Variants in ARHGAP42 observed in about 807,000 individuals in gnomAD.
The protein encoded by ARHGAP42 is rho GTPase-activating protein 42.
ARHGAP42 carries 63 observed loss-of-function variants against 125.0 expected under a neutral mutation model. That is an observed-to-expected ratio of 0.50 (90% CI 0.41 to 0.62). ARHGAP42 has a LOEUF of 0.62. Among genes scored for constraint, ARHGAP42 ranks in the 20% least tolerant of loss-of-function variants. ARHGAP42 has a pLI of 0.00. For missense variants in ARHGAP42, 766 were observed against 1,024.2 expected (o/e 0.75, Z 3.44); for synonymous variants, 339 against 351.0 (o/e 0.97, Z 0.38).
At chr11:100,808,949 T>G (rs911670966) in intron 3 of ARHGAP42, among the ~76,000 whole-genome samples, 1 of 152,192 alleles carries the variant, frequency 6.6e-6, no homozygotes, top group Non-Finnish European at 1.5e-5. Flanking sequence ...ATCCTGTGAT[T>G]TATCTGTGTG....
Position 100,871,545 on chromosome 11 carries a change from T to TAAAA in ARHGAP42, c.384+11933_384+11936dup, listed in dbSNP as rs35883788. The stretch of plus-strand genomic sequence containing the variant: ...TGGGTGACGGAGGGAGACTGTTTCT[T>TAAAA]AAAAAAAAAAAAAAAAGAAAAAAGA... On this transcript the variant is annotated intron_variant, in intron 4 of 23. Transcript: ENST00000298815. Among the ~76,000 whole-genome samples the TAAAA allele has an allele frequency of 2.3e-4, 30 of 127,800 alleles. 1 individual carries two copies. Among genetic ancestry groups the TAAAA allele is most frequent in the African/African-American group, 8.6e-4 (29 of 33,568 alleles). 83.8% of individuals were successfully genotyped at this position (127,800 alleles called of 152,430 possible).
chr11:100,983,185 A>G (rs1287401851), intron 22 of ARHGAP42, among the ~76,000 whole-genome samples: 1 of 152,212 alleles, frequency 6.6e-6, no homozygotes, highest in Non-Finnish European at 1.5e-5. Flanking sequence ...TTTATGGATT[A>G]TATTTATTGA....
At chr11:100,879,850 A>G (rs1443120014) in intron 4 of ARHGAP42, among the ~76,000 whole-genome samples, 1 of 152,140 alleles carries the variant, frequency 6.6e-6, no homozygotes, top group Admixed American at 6.5e-5. Flanking sequence ...CGTTTGGCAA[A>G]AGGAGTAAAG....
chr11:100,851,174 G>A (rs928256214), intron 3 of ARHGAP42, among the ~76,000 whole-genome samples: 22 of 152,244 alleles, frequency 1.4e-4, no homozygotes, highest in African/African-American at 4.3e-4. Flanking sequence ...GAGCCACTGC[G>A]CCTGGCCAGG....
intron 8 of ARHGAP42, among the ~76,000 whole-genome samples, chr11:100,936,606 A>G (rs934921640): frequency 2.6e-5 from 4 of 152,144 alleles, no homozygotes; most frequent in Non-Finnish European, 4.4e-5. Context: ...CTTAATCTCA[A>G]CTTAAAGTTT....
chr11:100,860,128 C>G lies in ARHGAP42; in HGVS notation c.384+503C>G, dbSNP rs990085470. ...CTCATCATCTGAAATTTGCCTGTAT[C>G]CTCATTCTTAGAGCCATATTTTAAC... On this transcript the variant is annotated intron_variant, in intron 4 of 23. Transcript: ENST00000298815. 2.0e-5 allele frequency among the ~76,000 whole-genome samples: 3 copies of G among 151,952 alleles called. No individual in the cohort carries two copies. In the East Asian group the frequency reaches 5.8e-4, roughly 29 times the overall value.
At chr11:100,987,393 T>C (rs1280346314) in intron 22 of ARHGAP42, 120 bp from the exon 23 acceptor site, 11 of 806,148 alleles carry the variant, frequency 1.4e-5, no homozygotes, top group Non-Finnish European at 1.8e-5. Context: ...ATATATGCAC[T>C]TTATGTACAT....
chr11:100,811,102 T>A (rs1035567964), intron 3 of ARHGAP42, among the ~76,000 whole-genome samples: 1 of 152,096 alleles, frequency 6.6e-6, no homozygotes, highest in African/African-American at 2.4e-5. Context: ...ATTACAGGCA[T>A]GCGCCACCAC....
At chr11:100,788,639 A>G (rs997344034) in intron 2 of ARHGAP42, among the ~76,000 whole-genome samples, 6 of 152,212 alleles carry the variant, frequency 3.9e-5, no homozygotes, top group Admixed American at 2.0e-4. Flanking sequence ...TTGTGGTTGC[A>G]GATAAAACCA....
At chr11:100,854,685 T>C (rs561691890) in intron 3 of ARHGAP42, among the ~76,000 whole-genome samples, 1 of 152,220 alleles carries the variant, frequency 6.6e-6, no homozygotes, top group Admixed American at 6.6e-5. Flanking sequence ...GAGAAGAATG[T>C]CTATATTATG....
intron 1 of ARHGAP42, among the ~76,000 whole-genome samples, chr11:100,690,262 GTTA>G (rs145015779): frequency 0.056 from 8,550 of 152,136 alleles, 354 homozygotes; most frequent in East Asian, 0.21. Flanking sequence ...GCACGGCACT[GTTA>G]TTTTTATTAA....
intron 4 of ARHGAP42, among the ~76,000 whole-genome samples, chr11:100,874,752 T>C (rs1865771535): frequency 1.3e-5 from 2 of 152,212 alleles, no homozygotes; most frequent in Non-Finnish European, 2.9e-5. Flanking sequence ...CTTTCCTTTT[T>C]AAAATGTATT....
At chr11:100,702,123 A>C (rs1861408017) in intron 1 of ARHGAP42, among the ~76,000 whole-genome samples, 1 of 152,150 alleles carries the variant, frequency 6.6e-6, no homozygotes, top group South Asian at 2.1e-4. Context: ...TGTCTCAAAA[A>C]AAAAATAATA....
intron 1 of ARHGAP42, among the ~76,000 whole-genome samples, chr11:100,702,522 C>T (rs1359851516): frequency 1.3e-5 from 2 of 149,768 alleles, no homozygotes; most frequent in Non-Finnish European, 3.0e-5. Flanking sequence ...AAAGTGGTAT[C>T]AATAGACTTG....
At chr11:100,937,954 C>T (rs1867778369) in intron 8 of ARHGAP42, among the ~76,000 whole-genome samples, 3 of 151,940 alleles carry the variant, frequency 2.0e-5, no homozygotes, top group South Asian at 2.1e-4. Flanking sequence ...GTGTTTTATG[C>T]GCTTACCTGA....
intron 1 of ARHGAP42, among the ~76,000 whole-genome samples, chr11:100,706,783 C>T (rs1861487846): frequency 6.6e-6 from 1 of 152,098 alleles, no homozygotes; most frequent in Admixed American, 6.6e-5. Flanking sequence ...ATAAAATTTA[C>T]CCTTTTAAGA....
Position 100,988,922 on chromosome 11 carries a change from A to C in ARHGAP42, c.*121A>C. On this transcript the variant is annotated 3_prime_UTR_variant, in exon 24 of 24. Transcript: ENST00000298815. Reference sequence around the variant, plus strand: ...AAGTGAAAACAGTCAATTTCTATCAAGTTCTTCACCAGCAGACTATGTAGC... The same window carrying C: ...AAGTGAAAACAGTCAATTTCTATCACGTTCTTCACCAGCAGACTATGTAGC... 1.6e-6 allele frequency: 1 copy of C among 644,824 alleles called. No homozygotes were observed. The highest frequency in any genetic ancestry group is 2.6e-6 in the Non-Finnish European group (1 of 384,186). 39.9% of individuals were successfully genotyped at this position (644,824 alleles called of 1,614,324 possible).
intron 2 of ARHGAP42, 91 bp downstream of exon 2, chr11:100,770,529 A>T (rs1862948412): frequency 2.0e-6 from 2 of 990,908 alleles, no homozygotes; most frequent in African/African-American, 3.3e-5. Context: ...CATGTAAAAT[A>T]TTTTCTGACT....
At chr11:100,715,046 C>A in intron 1 of ARHGAP42, among the ~76,000 whole-genome samples, 2 of 62,184 alleles carry the variant, frequency 3.2e-5, no homozygotes, top group Admixed American at 2.1e-4. Flanking sequence ...GAAACCCTAT[C>A]TCAAAAAAAA....
Sources: allele counts gnomAD v4.1 joint callset (sites outside exome capture counted in the v4.1 genomes callset), GRCh38; gene constraint gnomAD v4.1.1; transcripts MANE v1.5; gene names NCBI Gene and HGNC (gene_info 2026-07-23, HGNC 2026-07-21).